The following STK33 variants were observed in gnomAD, a reference collection of about 807,000 sequenced individuals.
STK33 encodes the protein serine/threonine-protein kinase 33.
Under a neutral mutation model 58.0 loss-of-function variants are expected in STK33, and 52 were observed. That is an observed-to-expected ratio of 0.90 (90% CI 0.72 to 1.13). STK33 has a LOEUF of 1.13. Ranked by LOEUF, STK33 falls within the 50% of genes most tolerant of loss-of-function variation. The pLI is 0.00. For missense variants in STK33, 630 were observed against 604.2 expected, an observed-to-expected ratio of 1.04 and a Z score of -0.45; for synonymous variants, 215 against 200.1, an observed-to-expected ratio of 1.07 and a Z score of -0.63.
the STK33 span, among the ~76,000 whole-genome samples, chr11:8,361,571 G>A: frequency 0.012 from 1,832 of 151,376 alleles, 14 homozygotes; most frequent in Non-Finnish European, 0.018. This position sits in a 1 kb window ranked among gnomAD's most constrained non-coding sequence, Gnocchi z 4.8. Flanking sequence ...TGGACCTTTC[G>A]TTGCACTGGT....
chr11:8,500,925 C>G (rs888173851), intron 1 of STK33, among the ~76,000 whole-genome samples: 5 of 152,066 alleles, frequency 3.3e-5, no homozygotes, highest in Middle Eastern at 6.3e-3. Context: ...AGGGTAGGTA[C>G]CAAGACAATT....
the STK33 span, among the ~76,000 whole-genome samples, chr11:8,371,573 G>A: frequency 1.3e-5 from 2 of 152,086 alleles, no homozygotes; most frequent in African/African-American, 4.8e-5. Context: ...TGGGAGGAAG[G>A]GTTCAGATGA....
the STK33 span, among the ~76,000 whole-genome samples, chr11:8,344,602 G>A: frequency 4.6e-5 from 7 of 152,192 alleles, no homozygotes; most frequent in Non-Finnish European, 7.3e-5. Flanking sequence ...ATATTCAAAC[G>A]CAGACAGCCT....
At position 8,459,552 on chromosome 11, in the gene STK33, A is replaced by G. The variant is rs775145908; in HGVS notation, c.559-2073T>C. Among the ~76,000 whole-genome samples the G allele has an allele frequency of 4.7e-4, 72 of 152,306 alleles. 1 individual carries two copies. The highest frequency in any genetic ancestry group is 1.8e-4 in the Non-Finnish European group (12 of 68,028). ...ATATATAAAACAATAATTTTTAGAC[A>G]TTAAACATCAGCCAGCATAGGGTAG... On this transcript the variant is annotated intron_variant, in intron 8 of 15. Transcript: ENST00000687296.
chr11:8,407,664 C>T (rs1300624253), intron 15 of STK33, among the ~76,000 whole-genome samples: 2 of 150,368 alleles, frequency 1.3e-5, no homozygotes, highest in Non-Finnish European at 3.0e-5. Flanking sequence ...AGAAAGTATC[C>T]AATGTAAAGA....
chr11:8,512,232 C>G (rs185092189), intron 1 of STK33, among the ~76,000 whole-genome samples: 66 of 152,218 alleles, frequency 4.3e-4, no homozygotes, highest in Middle Eastern at 3.4e-3. Flanking sequence ...CAAAAATTTA[C>G]ATAATGATAT....
chr11:8,515,115 T>C (rs1952657817), intron 1 of STK33, among the ~76,000 whole-genome samples: 1 of 150,744 alleles, frequency 6.6e-6, no homozygotes, highest in Non-Finnish European at 1.5e-5. Context: ...AAGGAGAAAA[T>C]ACAAAATATT....
intron 14 of STK33, chr11:8,434,006 T>C (rs1943732830): frequency 6.5e-6 from 1 of 152,964 alleles, no homozygotes; most frequent in East Asian, 1.9e-4. Context: ...GGGCAGATGA[T>C]GAGGCCAAGA....
the STK33 span, among the ~76,000 whole-genome samples, chr11:8,345,330 G>A: frequency 6.6e-6 from 1 of 152,226 alleles, no homozygotes. Context: ...TTAAAGGCCA[G>A]GCTCTCTTAG....
chr11:8,508,262 T>C (rs1952022065), intron 1 of STK33, among the ~76,000 whole-genome samples: 1 of 132,324 alleles, frequency 7.6e-6, no homozygotes, highest in South Asian at 2.7e-4. Context: ...CTCTACCTTC[T>C]ATTCTTTTTT....
chr11:8,360,154 G>A, the STK33 span, among the ~76,000 whole-genome samples: 2 of 152,212 alleles, frequency 1.3e-5, no homozygotes, highest in African/African-American at 2.4e-5. Flanking sequence ...TTATTGCTGC[G>A]ACTTGATGGT....
At chr11:8,461,081 A>C (rs1011911521) in intron 8 of STK33, among the ~76,000 whole-genome samples, 3 of 152,266 alleles carry the variant, frequency 2.0e-5, no homozygotes, top group African/African-American at 7.2e-5. Flanking sequence ...ACAGATGAGG[A>C]AACTGCAATA....
rs372369200 is a variant in STK33 at position 8,413,463 on chromosome 11, C to G, written c.1344+32G>C. 10 of 1,610,964 alleles carry G rather than the reference C, an allele frequency of 6.2e-6. No homozygotes were observed. The East Asian group carries it at 1.8e-4, about 29-fold the overall frequency. On this transcript the variant is annotated intron_variant, in intron 15 of 15. Coordinates refer to ENST00000687296, the MANE Select transcript of STK33 (RefSeq NM_001352389.2). Reference sequence around the variant, plus strand: ...CCAGGTGTGGTGAGGGTATTTTACACTTGGGAGAAATGCAGCAATGATTCT... The same window carrying G: ...CCAGGTGTGGTGAGGGTATTTTACAGTTGGGAGAAATGCAGCAATGATTCT...
chr11:8,352,471 C>T, the STK33 span, among the ~76,000 whole-genome samples: 1 of 152,132 alleles, frequency 6.6e-6, no homozygotes, highest in Non-Finnish European at 1.5e-5. Context: ...TCCTAGGGGC[C>T]AGCATCTGGA....
the STK33 span, among the ~76,000 whole-genome samples, chr11:8,370,075 C>G: frequency 1.3e-5 from 2 of 152,156 alleles, no homozygotes; most frequent in Non-Finnish European, 2.9e-5. Context: ...GAGGAGACCC[C>G]GTCTGAGGGG....
chr11:8,394,992 G>A (rs1472144280), intron 15 of STK33, among the ~76,000 whole-genome samples: 1 of 152,060 alleles, frequency 6.6e-6, no homozygotes, highest in Non-Finnish European at 1.5e-5. Flanking sequence ...AACCAATATT[G>A]TCAATTTATA....
At chr11:8,507,508 T>C (rs1191156123) in intron 1 of STK33, among the ~76,000 whole-genome samples, 2 of 152,094 alleles carry the variant, frequency 1.3e-5, no homozygotes, top group Non-Finnish European at 2.9e-5. Context: ...TCTAAATCAC[T>C]ACCCAGCGAA....
chr11:8,532,257 G>A (rs1210595136), intron 1 of STK33, among the ~76,000 whole-genome samples: 1 of 152,224 alleles, frequency 6.6e-6, no homozygotes, highest in African/African-American at 2.4e-5. Context: ...ATTTAAACCA[G>A]GAGTTAGCAA....
intron 1 of STK33, among the ~76,000 whole-genome samples, chr11:8,508,266 CTTTTTTTTTT>C (rs34759366): frequency 2.6e-5 from 3 of 114,260 alleles, no homozygotes; most frequent in African/African-American, 7.0e-5. Context: ...ACCTTCTATT[CTTTTTTTTTT>C]TTTTTTTTTT....
Sources: gnomAD v4.1 joint callset for allele counts (sites outside exome capture counted in the v4.1 genomes callset) on GRCh38, gnomAD v4.1.1 for gene constraint, Gnocchi (gnomAD v3.1) non-coding constraint, MANE v1.5 for transcripts, NCBI Gene and HGNC (gene_info 2026-07-23, HGNC 2026-07-21) for gene names.